The following TSC22D3 variants were observed in gnomAD, a reference collection of about 807,000 sequenced individuals.
TSC22D3 encodes the protein TSC22 domain family member 3, also known as TSC22 domain family protein 3.
Under a neutral mutation model 11.1 loss-of-function variants are expected in TSC22D3, and 4 were observed. The observed-to-expected ratio is 0.36, with a 90% CI of 0.18 to 0.83. The LOEUF is 0.83. TSC22D3 is among the 40% of genes least tolerant of loss of function. The probability of loss-of-function intolerance (pLI) is 0.48; values close to 1 mark genes in which losing one functional copy is unlikely to be tolerated. For synonymous variants in TSC22D3, 77 were observed against 70.3 expected (o/e 1.10, Z -0.48); for missense variants, 118 against 159.4 (o/e 0.74, Z 1.40).
intron 1 of TSC22D3, among the ~76,000 whole-genome samples, chrX:107,766,003 TA>T (rs1929637867): frequency 8.9e-6 from 1 of 112,165 alleles, no homozygotes; most frequent in Non-Finnish European, 1.9e-5. Flanking sequence ...GTTTCTCCTC[TA>T]TTTCTTGGAG....
At chrX:107,755,094 T>C (rs894419738) in intron 1 of TSC22D3, among the ~76,000 whole-genome samples, 1 of 112,254 alleles carries the variant, frequency 8.9e-6, no homozygotes, top group Non-Finnish European at 1.9e-5. Context: ...TTGGACATTA[T>C]CTAAAAGATG....
chrX:107,719,115 GAAGAA>G (rs766873259), intron 1 of TSC22D3, among the ~76,000 whole-genome samples: 5 of 111,860 alleles, frequency 4.5e-5, no homozygotes, highest in Non-Finnish European at 9.4e-5. Context: ...AAGATGATGA[GAAGAA>G]AAGGGGACAG....
intron 1 of TSC22D3, among the ~76,000 whole-genome samples, chrX:107,762,917 C>T (rs1196175429): frequency 1.0e-5 from 1 of 95,324 alleles, no homozygotes; most frequent in Admixed American, 1.2e-4. Context: ...AGTGCAATGG[C>T]ACGATCTCGG....
intron 1 of TSC22D3, among the ~76,000 whole-genome samples, chrX:107,753,113 A>G (rs991751435): frequency 2.2e-4 from 24 of 111,127 alleles, no homozygotes; most frequent in Non-Finnish European, 3.4e-4. Context: ...GGCCAGGAGC[A>G]GTACAAGCCT....
At chrX:107,717,731 G>A (rs1420256536) in intron 1 of TSC22D3, among the ~76,000 whole-genome samples, 2 of 112,023 alleles carry the variant, frequency 1.8e-5, no homozygotes, top group Admixed American at 9.4e-5. Context: ...TGGAGGAGAG[G>A]GTGTCCGGGA....
intron 1 of TSC22D3, among the ~76,000 whole-genome samples, chrX:107,750,162 A>C (rs975040780): frequency 7.2e-5 from 8 of 111,867 alleles, no homozygotes; most frequent in Non-Finnish European, 1.1e-4. Context: ...ATAATAATAA[A>C]AATGTGGATT....
At chrX:107,773,018 C>T (rs1929972686) in intron 1 of TSC22D3, among the ~76,000 whole-genome samples, 2 of 112,273 alleles carry the variant, frequency 1.8e-5, no homozygotes, top group Admixed American at 9.4e-5. Context: ...TTGCTCTGAT[C>T]GAAGGAGGCA....
intron 1 of TSC22D3, chrX:107,716,317 G>C: frequency 1.3e-5 from 12 of 916,469 alleles, no homozygotes; most frequent in Non-Finnish European, 1.5e-5. Flanking sequence ...AAACCTACCC[G>C]GCTCTGAAGC....
At chrX:107,767,163 C>T (rs2147790487) in intron 1 of TSC22D3, among the ~76,000 whole-genome samples, 1 of 112,244 alleles carries the variant, frequency 8.9e-6, no homozygotes, top group East Asian at 2.8e-4. Context: ...TCCATCTCCC[C>T]TGAAGAGAAG....
chrX:107,739,241 T>A (rs1051688221), intron 1 of TSC22D3, among the ~76,000 whole-genome samples: 1 of 112,650 alleles, frequency 8.9e-6, no homozygotes, highest in African/African-American at 3.2e-5. Context: ...CACGTCAGCA[T>A]CCTCCTGACT....
chrX:107,765,064 A>T (rs1276193927), intron 1 of TSC22D3, among the ~76,000 whole-genome samples: 1 of 111,493 alleles, frequency 9.0e-6, no homozygotes, highest in Non-Finnish European at 1.9e-5. Flanking sequence ...GCCCAGAAGG[A>T]ATCAAAAGTG....
At chrX:107,764,741 C>G (rs1220529797) in intron 1 of TSC22D3, among the ~76,000 whole-genome samples, 4 of 111,817 alleles carry the variant, frequency 3.6e-5, no homozygotes, top group African/African-American at 1.3e-4. Flanking sequence ...GAAGGGACCT[C>G]GTGGAGACTG....
At chrX:107,725,540 C>T (rs1927577856) in intron 1 of TSC22D3, among the ~76,000 whole-genome samples, 1 of 112,110 alleles carries the variant, frequency 8.9e-6, no homozygotes, top group South Asian at 3.7e-4. Flanking sequence ...GCCAGGGGCA[C>T]TGAGACCCAT....
At chrX:107,748,927 C>T (rs773832391) in intron 1 of TSC22D3, among the ~76,000 whole-genome samples, 74 of 111,968 alleles carry the variant, frequency 6.6e-4, no homozygotes, top group African/African-American at 2.3e-3. Flanking sequence ...TGGGTAAAGG[C>T]ATTGGCATTG....
chrX:107,738,898 G>A (rs1216597888), intron 1 of TSC22D3, among the ~76,000 whole-genome samples: 1 of 109,891 alleles, frequency 9.1e-6, no homozygotes, highest in Non-Finnish European at 1.9e-5. Flanking sequence ...GGATGCAAAC[G>A]GCACGCAGCA....
Position 107,714,674 on chromosome X carries a change from C to T in TSC22D3, c.448G>A (p.Val150Met). ...CGCTCTAGCTGGGAGTTCTTCTCCA[C>T]CAGCTCTCGGATCTGCTCCTTCAGG... is the stretch of plus-strand genomic sequence containing the variant. Reference protein sequence around the residue: ...EILKEQIRELVEKNSQLEREN... With the variant: ...EILKEQIRELMEKNSQLEREN... Residue 150 changes from valine to methionine, a missense_variant, in exon 3 of 3, where the codon GTG becomes ATG. By Grantham distance (21) the Val-to-Met change is conservative. Coordinates refer to ENST00000372383, the MANE Select transcript of TSC22D3 (RefSeq NM_198057.3). 8.3e-7 allele frequency: 1 copy of T among 1,211,811 alleles called. No individual in the cohort carries two copies. The highest frequency in any genetic ancestry group is 3.0e-5 in the East Asian group (1 of 33,835).
chrX:107,766,019 G>A (rs868618261), intron 1 of TSC22D3, among the ~76,000 whole-genome samples: 33 of 112,036 alleles, frequency 2.9e-4, no homozygotes, highest in African/African-American at 1.0e-3. Flanking sequence ...TTGGAGTGGA[G>A]AGCAGTGTCC....
chrX:107,755,997 C>T (rs1478574269), intron 1 of TSC22D3, among the ~76,000 whole-genome samples: 1 of 111,639 alleles, frequency 9.0e-6, no homozygotes, highest in Non-Finnish European at 1.9e-5. Flanking sequence ...GAGCAGGACA[C>T]TGGGGATATA....
At chrX:107,746,656 T>C (rs769798309) in intron 1 of TSC22D3, among the ~76,000 whole-genome samples, 1 of 112,017 alleles carries the variant, frequency 8.9e-6, no homozygotes, top group Non-Finnish European at 1.9e-5. Flanking sequence ...ATACCTTTTT[T>C]GCATACAGCA....
Sources: allele counts gnomAD v4.1 joint callset (sites outside exome capture counted in the v4.1 genomes callset), GRCh38; gene constraint gnomAD v4.1.1; transcripts MANE v1.5; gene names NCBI Gene and HGNC (gene_info 2026-07-23, HGNC 2026-07-21).